The following SBNO1 variants were observed in gnomAD, a reference collection of about 807,000 sequenced individuals.
SBNO1 encodes the protein strawberry notch homolog 1.
SBNO1 carries 23 observed loss-of-function variants against 173.6 expected under a neutral mutation model. That is an observed-to-expected ratio of 0.13 (90% CI 0.10 to 0.19). SBNO1 has a LOEUF of 0.19. Ranked by LOEUF, SBNO1 falls within the 10% of genes least tolerant of loss-of-function variation. SBNO1 has a pLI of 1.00. For synonymous variants in SBNO1, 632 were observed against 571.5 expected (o/e 1.11, Z -1.51); for missense variants, 1,238 against 1,671.2 (o/e 0.74, Z 4.52).
At chr12:123,298,421 T>C (rs2048675844) in intron 30 of SBNO1, among the ~76,000 whole-genome samples, 7 of 152,014 alleles carry the variant, frequency 4.6e-5, no homozygotes, top group Admixed American at 3.9e-4. Context: ...TTGTTGTTGT[T>C]GTTGTTTTGT....
At chr12:123,331,467 T>TGTTAA (rs1360199126) in intron 7 of SBNO1, 92 bp from the exon 8 acceptor site, 7 of 526,004 alleles carry the variant, frequency 1.3e-5, no homozygotes, top group African/African-American at 2.3e-5. Flanking sequence ...GAATATGTTA[T>TGTTAA]GTTTTTTGTT....
intron 5 of SBNO1, among the ~76,000 whole-genome samples, 163 bp downstream of exon 5, chr12:123,340,825 A>G (rs1380913808): frequency 1.3e-5 from 2 of 152,132 alleles, no homozygotes; most frequent in African/African-American, 2.4e-5. Context: ...GTTAGTATCT[A>G]TATTACTCCA....
At chr12:123,346,521 G>A (rs907389693) in intron 3 of SBNO1, among the ~76,000 whole-genome samples, 11 of 152,036 alleles carry the variant, frequency 7.2e-5, no homozygotes, top group Non-Finnish European at 1.2e-4. Context: ...AAAATTAGCC[G>A]GGCGTGGTGG....
chr12:123,341,150 T>C, intron 4 of SBNO1, 62 bp from the exon 5 acceptor site: 1 of 1,047,526 alleles, frequency 9.5e-7, no homozygotes, highest in East Asian at 2.5e-5. Flanking sequence ...TCCCATTATT[T>C]AAAAATCCAG....
At chr12:123,316,046 A>G (rs1244783564) in intron 21 of SBNO1, among the ~76,000 whole-genome samples, 1 of 152,184 alleles carries the variant, frequency 6.6e-6, no homozygotes, top group Non-Finnish European at 1.5e-5. Flanking sequence ...AAGTTTTATA[A>G]GGACACTCCT....
At chr12:123,330,375 G>T in intron 9 of SBNO1, 44 bp downstream of exon 9, 1 of 1,119,998 alleles carries the variant, frequency 8.9e-7, no homozygotes, top group Non-Finnish European at 1.3e-6. Context: ...TCACAGATGA[G>T]TCAATATTTA....
intron 1 of SBNO1, chr12:123,363,915 G>A (rs1875731253): frequency 1.0e-6 from 1 of 985,466 alleles, no homozygotes; most frequent in Non-Finnish European, 1.2e-6. Flanking sequence ...AATCTCCTCA[G>A]CGGTTAAACC....
intron 24 of SBNO1, among the ~76,000 whole-genome samples, chr12:123,312,393 C>G (rs571246103): frequency 2.7e-4 from 41 of 152,272 alleles, no homozygotes; most frequent in African/African-American, 9.6e-4. Flanking sequence ...ATGTGCTAAT[C>G]TACCAAAAGG....
rs1459669210 is a variant in SBNO1, at chr12:123,293,392, T to C, written c.*2516A>G. The C allele has an allele frequency of 6.6e-6, 1 of 152,176 alleles. No homozygotes were observed. Among genetic ancestry groups the C allele is most frequent in the Non-Finnish European group, 1.5e-5 (1 of 68,032 alleles). The allele number at this position is 152,176 out of a possible 1,614,324, so 9.4% of individuals were successfully genotyped here. A position where few individuals can be genotyped will look rare whatever the true frequency, so the allele number is the denominator to read the frequency against. ...AGTTGGGTTTTAACAGAAGAGGACC[T>C]TGAATGCTGAAGCTTCACAGGGCGG... On this transcript the variant is annotated 3_prime_UTR_variant, in exon 32 of 32. Transcript: ENST00000602398.
intron 28 of SBNO1, among the ~76,000 whole-genome samples, chr12:123,307,274 T>C (rs1329190994): frequency 6.6e-6 from 1 of 151,784 alleles, no homozygotes; most frequent in African/African-American, 2.4e-5. Context: ...AGGTCAAGGA[T>C]CAGCAGCTTA....
chr12:123,355,776 C>T (rs1371195203), intron 1 of SBNO1, among the ~76,000 whole-genome samples: 1 of 152,046 alleles, frequency 6.6e-6, no homozygotes. Context: ...GAGTGAGACC[C>T]TGTCCCAAAA....
At chr12:123,361,903 G>A (rs1032645095) in intron 1 of SBNO1, among the ~76,000 whole-genome samples, 12 of 151,956 alleles carry the variant, frequency 7.9e-5, no homozygotes, top group Non-Finnish European at 1.6e-4. Flanking sequence ...CACTTTGGGA[G>A]GCCGAGGCAG....
At chr12:123,324,521 C>T (rs949507197) in intron 15 of SBNO1, among the ~76,000 whole-genome samples, 2 of 151,988 alleles carry the variant, frequency 1.3e-5, no homozygotes, top group Admixed American at 6.6e-5. Flanking sequence ...GAGGTTTCAC[C>T]GTGTTGGCCA....
intron 30 of SBNO1, among the ~76,000 whole-genome samples, chr12:123,300,317 T>TC (rs1359169574): frequency 6.6e-6 from 1 of 152,144 alleles, no homozygotes; most frequent in Non-Finnish European, 1.5e-5. Context: ...CATCTTGATC[T>TC]CCCAAAGTGC....
chr12:123,360,289 C>T (rs1874994918), intron 1 of SBNO1, among the ~76,000 whole-genome samples: 1 of 151,704 alleles, frequency 6.6e-6, no homozygotes, highest in Non-Finnish European at 1.5e-5. Flanking sequence ...TTTAGAAAGG[C>T]AAAGCATGGG....
intron 1 of SBNO1, 108 bp downstream of exon 1, chr12:123,364,593 G>C (rs1031158814): frequency 1.0e-6 from 1 of 982,608 alleles, no homozygotes. Context: ...GCCGGGGCGA[G>C]GTGGCTGTCC....
intron 1 of SBNO1, among the ~76,000 whole-genome samples, chr12:123,355,082 G>T (rs955467319): frequency 4.0e-5 from 6 of 151,720 alleles, no homozygotes; most frequent in Non-Finnish European, 8.8e-5. Flanking sequence ...GTGCAGTGGC[G>T]CGATCTCAGC....
intron 24 of SBNO1, among the ~76,000 whole-genome samples, chr12:123,312,451 T>A (rs1593343517): frequency 6.6e-6 from 1 of 152,036 alleles, no homozygotes; most frequent in Non-Finnish European, 1.5e-5. Context: ...TTGGCTCACA[T>A]CTGTAATCCC....
intron 15 of SBNO1, 55 bp downstream of exon 15, chr12:123,325,446 TA>T: frequency 8.0e-7 from 1 of 1,248,444 alleles, no homozygotes. Context: ...ACATTGGAAC[TA>T]AGGTAAGGAA....
Sources: gnomAD v4.1 joint callset for allele counts (sites outside exome capture counted in the v4.1 genomes callset) on GRCh38, gnomAD v4.1.1 for gene constraint, MANE v1.5 for transcripts, NCBI Gene and HGNC (gene_info 2026-07-23, HGNC 2026-07-21) for gene names.